Variants in ATP8B3 observed in about 807,000 individuals in gnomAD.
The protein encoded by ATP8B3 is ATPase phospholipid transporting 8B3, also known as phospholipid-transporting ATPase IK.
Under a neutral mutation model 140.9 loss-of-function variants are expected in ATP8B3, and 141 were observed. The observed-to-expected ratio is 1.00, with a 90% confidence interval of 0.87 to 1.15. ATP8B3 has a LOEUF of 1.15. Among genes scored for constraint, ATP8B3 ranks in the 50% most tolerant of loss-of-function variants. The probability of loss-of-function intolerance (pLI) is 0.00; values close to 1 mark genes in which losing one functional copy is unlikely to be tolerated. For missense variants in ATP8B3, 1,874 were observed against 1,740.6 expected (o/e 1.08, Z -1.36); for synonymous variants, 765 against 714.6 (o/e 1.07, Z -1.13).
chr19:1,803,769 G>A (rs374893569), intron 10 of ATP8B3, among the ~76,000 whole-genome samples: 3 of 152,088 alleles, frequency 2.0e-5, no homozygotes, highest in South Asian at 2.1e-4. Flanking sequence ...GGTGGCGGGC[G>A]CCTGGGATCC....
intron 10 of ATP8B3, among the ~76,000 whole-genome samples, chr19:1,803,327 G>A (rs1390699892): frequency 1.3e-5 from 2 of 152,284 alleles, no homozygotes; most frequent in South Asian, 2.1e-4. Flanking sequence ...TCCCCATCGC[G>A]TCTTAGGGAT....
At position 1,785,637 on chromosome 19, in the gene ATP8B3, G is replaced by T. The variant is rs769203348; in HGVS notation, c.3225C>A (p.Asn1075Lys). 1 of 1,613,348 alleles carries T rather than the reference G, an allele frequency of 6.2e-7. No individual in the cohort carries two copies. The highest frequency in any genetic ancestry group is 8.5e-7 in the Non-Finnish European group (1 of 1,179,882). ...YVVGQKDELF[N>K]YWVFVQAIAH... The stretch of plus-strand genomic sequence containing the variant: ...CGATGGCTTGGACGAAGACCCAGTA[G>T]TTGAAGAGCTCGTCCTTCTGCCCCA... Residue 1075 changes from asparagine (N) to lysine (K), a missense_variant, in exon 26 of 29, where the codon AAC becomes AAA. This residue lies in a region of ATP8B3 where 840 missense variants were observed against 760.9 expected (regional missense o/e 1.10). Coordinates refer to ENST00000310127, the MANE Select transcript of ATP8B3 (RefSeq NM_138813.4).
chr19:1,785,457 G>A lies in ATP8B3; in HGVS notation c.3393+12C>T, dbSNP rs780166579. 5.0e-6 allele frequency: 8 copies of A among 1,611,680 alleles called. No homozygotes were observed. In the Admixed American group the frequency reaches 1.0e-4, roughly 20 times the overall value. ...ATGTCCAAGGCCCCGGGGAGGTGAG[G>A]ACCTTGCCCACCTCCATGGTGATGG... On this transcript the variant is annotated intron_variant, in intron 26 of 28. Transcript: ENST00000310127.
Position 1,784,352 on chromosome 19 carries a change from A to C in ATP8B3, c.3660+467T>G, listed in dbSNP as rs115784060. Among the ~76,000 whole-genome samples the C allele has an allele frequency of 4.4e-3, 676 of 152,110 alleles. 4 individuals carry two copies. Among genetic ancestry groups the C allele is most frequent in the African/African-American group, 0.016 (650 of 41,514 alleles). On this transcript the variant is annotated intron_variant, in intron 28 of 28. Transcript: ENST00000310127. The stretch of plus-strand genomic sequence containing the variant: ...ACCATAATGAGTCTCCATCTCTAGA[A>C]AATAACTACAAAATTAGCTGGGCGT...
In ATP8B3 at chr19:1,805,855, C is replaced by G. The variant is rs770949865; in HGVS notation, c.821+33G>C. On this transcript the variant is annotated intron_variant, in intron 9 of 28. Coordinates refer to ENST00000310127, the MANE Select transcript of ATP8B3 (RefSeq NM_138813.4). This position sits in a 1 kb window ranked among gnomAD's most constrained non-coding sequence, Gnocchi z 5.2. The stretch of plus-strand genomic sequence containing the variant: ...CTCCTCCGGGCCATGCTCCCCACCC[C>G]CCAGGGTCCCCAGCGATGCCACAGC... 1.3e-5 allele frequency: 21 copies of G among 1,611,882 alleles called. No individual in the cohort carries two copies. The highest frequency in any genetic ancestry group is 1.7e-4 in the Middle Eastern group (1 of 6,040).
intron 14 of ATP8B3, among the ~76,000 whole-genome samples, chr19:1,797,415 C>T (rs1600440183): frequency 6.6e-6 from 1 of 152,182 alleles, no homozygotes; most frequent in Admixed American, 6.5e-5. Context: ...GATGCAGCCC[C>T]ATCCGTGGGA....
At position 1,790,818 on chromosome 19, in the gene ATP8B3, T is replaced by G. The variant is rs1471018557; in HGVS notation, c.2317A>C (p.Ile773Leu). Residue 773 changes from isoleucine to leucine, a missense_variant, in exon 21 of 29, where the codon ATC becomes CTC. Ile to Leu is a conservative substitution (Grantham distance 5, BLOSUM62 2). This residue lies in a region of ATP8B3 where 840 missense variants were observed against 760.9 expected (regional missense o/e 1.10). Transcript: ENST00000310127. The stretch of plus-strand genomic sequence containing the variant: ...GACAGCAGCTCGCAGGCGAAGCCGA[T>G]GTTCACAGCCGTTTCTGCGAAGCAG... ...TGDKQETAVN[I>L]GFACELLSEN... 2.5e-6 allele frequency: 4 copies of G among 1,602,234 alleles called. No individual in the cohort carries two copies. In the East Asian group the frequency reaches 6.8e-5, roughly 27 times the overall value.
intron 16 of ATP8B3, 134 bp downstream of exon 16, chr19:1,796,577 T>G (rs62127691): frequency 0.11 from 130,879 of 1,178,252 alleles, 9,899 homozygotes; most frequent in African/African-American, 0.35. Flanking sequence ...GTGCGGCTGG[T>G]GTCACACCGG....
In ATP8B3 at chr19:1,808,327, G is replaced by T; in HGVS notation, c.411C>A (p.Val137=). The change falls in exon 5 of 29, where the codon GTC becomes GTA. Residue 137 remains valine, a synonymous_variant. Transcript: ENST00000310127. ...AGAAGTTGTACTTGGCCGTGCGGAT[G>T]ACATTGGTCTGGAACGAGAGCCGCG... ...CWQRKKYKTN[V]IRTAKYNFYS... is the part of the protein sequence containing the mutation. 1.2e-6 allele frequency: 2 copies of T among 1,611,976 alleles called. No homozygotes were observed. Among genetic ancestry groups the T allele is most frequent in the South Asian group, 2.2e-5 (2 of 90,902 alleles).
chr19:1,807,034 C>T lies in ATP8B3; in HGVS notation c.615+134G>A. The T allele has an allele frequency of 1.2e-6, 1 of 806,264 alleles. No individual in the cohort carries two copies. The highest frequency in any genetic ancestry group is 2.0e-6 in the Non-Finnish European group (1 of 493,246). The allele number at this position is 806,264 out of a possible 1,614,324, so 49.9% of individuals were successfully genotyped here. A position where few individuals can be genotyped will look rare whatever the true frequency, so the allele number is the denominator to read the frequency against. On this transcript the variant is annotated intron_variant, in intron 6 of 28. Transcript: ENST00000310127. The surrounding 1 kb of genome is among the most constrained non-coding windows in gnomAD (Gnocchi z 5.9). ...GATAAGGACAATGTAGCCCCAGCAG[C>T]TGAGGCTCCCAGGCCCACGTTCCCC...
intron 11 of ATP8B3, 165 bp from the exon 12 acceptor site, chr19:1,802,209 C>CCATCCACCCCT: frequency 2.6e-6 from 1 of 380,430 alleles, no homozygotes; most frequent in East Asian, 4.5e-5. Flanking sequence ...CATCACTCAC[C>CCATCCACCCCT]CACCCACCCT....
rs1420467656 is a variant in ATP8B3 at position 1,794,957 on chromosome 19, T to C, written c.2055+918A>G. On this transcript the variant is annotated intron_variant, in intron 18 of 28. Coordinates refer to ENST00000310127, the MANE Select transcript of ATP8B3 (RefSeq NM_138813.4). The surrounding 1 kb of genome is among the most constrained non-coding windows in gnomAD (Gnocchi z 4.8). ...CAACCGCACGGTCGTCTTGTGCAAA[T>C]GAGAAAAATACACCCTTGGCCGGGC... 1.3e-5 allele frequency among the ~76,000 whole-genome samples: 2 copies of C among 152,092 alleles called. No homozygotes were observed. Among genetic ancestry groups the C allele is most frequent in the African/African-American group, 4.8e-5 (2 of 41,410 alleles).
rs144532180 is a variant in ATP8B3 at position 1,794,938 on chromosome 19, C to T, written c.2055+937G>A. On this transcript the variant is annotated intron_variant, in intron 18 of 28. Coordinates refer to ENST00000310127, the MANE Select transcript of ATP8B3 (RefSeq NM_138813.4). This position sits in a 1 kb window ranked among gnomAD's most constrained non-coding sequence, Gnocchi z 4.8. ...CCTGGCAGCTGGGCCAGCTCAACCG[C>T]ACGGTCGTCTTGTGCAAATGAGAAA... is the stretch of plus-strand genomic sequence containing the variant. 7.9e-5 allele frequency among the ~76,000 whole-genome samples: 12 copies of T among 152,308 alleles called. No individual in the cohort carries two copies. In the East Asian group the frequency reaches 2.3e-3, roughly 29 times the overall value.
rs2068207952 is a variant in ATP8B3 at position 1,783,200 on chromosome 19, T to A, written c.3731A>T (p.Glu1244Val). The change falls in exon 29 of 29, where the codon GAG becomes GTG. Residue 1244 changes from glutamate to valine, a missense_variant. Transcript: ENST00000310127. ...ATAGCTGGAACGGCGGGCACGAGAC[T>A]CCCGGTGTACATGAGGCAAGGGCTC... ...TMEPLPHVHR[E>V]SRARRSSYAF... is the part of the protein sequence containing the mutation. The A allele has an allele frequency of 3.7e-6, 6 of 1,612,672 alleles. No individual in the cohort carries two copies. The East Asian group carries it at 1.3e-4, about 36-fold the overall frequency.
Position 1,782,088 on chromosome 19 carries a change from C to G in ATP8B3, c.*940G>C, listed in dbSNP as rs116234477. 4.0e-3 allele frequency: 688 copies of G among 170,120 alleles called. 4 individuals are homozygous for G. The highest frequency in any genetic ancestry group is 0.016 in the African/African-American group (659 of 40,736). 10.5% of individuals were successfully genotyped at this position (170,120 alleles called of 1,614,324 possible). On this transcript the variant is annotated 3_prime_UTR_variant, in exon 29 of 29. Transcript: ENST00000310127. ...AGGGAGCCTGAATTAGCGCTGGGGT[C>G]AGATGGACCCTGGTTTATTAGAAAA...
chr19:1,812,201 A>AGG lies in ATP8B3; in HGVS notation c.-166_-165dup. ...CGCCGCTCACCGGCGCAGGAGAGGCAGGGGGGGGCAGGCCGCGGGCGTCCA... is the reference window on the plus strand; with the variant it reads ...CGCCGCTCACCGGCGCAGGAGAGGCAGGGGGGGGGGCAGGCCGCGGGCGTCCA... On this transcript the variant is annotated 5_prime_UTR_variant, in exon 1 of 29. Transcript: ENST00000310127. The AGG allele has an allele frequency of 6.5e-6, 1 of 153,434 alleles. No homozygotes were observed. Among genetic ancestry groups the AGG allele is most frequent in the Non-Finnish European group, 1.4e-5 (1 of 70,152 alleles). 9.5% of individuals were successfully genotyped at this position (153,434 alleles called of 1,614,324 possible).
chr19:1,810,531 C>G, intron 3 of ATP8B3, 91 bp downstream of exon 3: 4 of 1,314,502 alleles, frequency 3.0e-6, no homozygotes, highest in South Asian at 3.0e-5. Context: ...CCCAAAGTGC[C>G]GGGATTACAG....
At chr19:1,784,028 C>T (rs541637082) in intron 28 of ATP8B3, among the ~76,000 whole-genome samples, 2 of 152,300 alleles carry the variant, frequency 1.3e-5, no homozygotes, top group Admixed American at 6.5e-5. Context: ...GGTGCATCCA[C>T]GCTGTGGCCT....
intron 15 of ATP8B3, 32 bp from the exon 16 acceptor site, chr19:1,796,911 G>C (rs532150924): frequency 6.2e-7 from 1 of 1,610,846 alleles, no homozygotes; most frequent in African/African-American, 1.3e-5. Context: ...GCCGGCTGTG[G>C]GTGGGCCGCT....
Sources: gnomAD v4.1 joint callset for allele counts (sites outside exome capture counted in the v4.1 genomes callset) on GRCh38, gnomAD v4.1.1 for gene constraint, gnomAD v4.1.1 regional missense constraint, Gnocchi (gnomAD v3.1) non-coding constraint, MANE v1.5 for transcripts, NCBI Gene and HGNC (gene_info 2026-07-23, HGNC 2026-07-21) for gene names.